The following TEKT5 variants were observed in gnomAD, a reference collection of about 807,000 sequenced individuals.
The protein encoded by TEKT5 is tektin 5, also known as tektin-5.
In TEKT5, 52 loss-of-function variants were observed where a neutral mutation model predicts 48.7. The observed-to-expected ratio is 1.07, with a 90% CI of 0.86 to 1.35. The LOEUF (loss-of-function observed/expected upper bound fraction) is 1.35, where lower values mean the gene tolerates loss of function less well. Among genes scored for constraint, TEKT5 ranks in the 40% most tolerant of loss-of-function variants. TEKT5 has a pLI of 0.00. For missense variants in TEKT5, 831 were observed against 641.6 expected, an observed-to-expected ratio of 1.30 and a Z score of -3.19; for synonymous variants, 318 against 267.6, an observed-to-expected ratio of 1.19 and a Z score of -1.84.
intron 5 of TEKT5, among the ~76,000 whole-genome samples, chr16:10,655,614 G>T (rs1025137905): frequency 6.6e-6 from 1 of 152,138 alleles, no homozygotes; most frequent in Non-Finnish European, 1.5e-5. Flanking sequence ...GTAGCTCCAG[G>T]CCATGTGACT....
chr16:10,694,792 G>A lies in TEKT5; in HGVS notation c.82C>T (p.Gln28Ter), dbSNP rs775435448. 6.2e-7 allele frequency: 1 copy of A among 1,613,170 alleles called. No individual in the cohort carries two copies. The highest frequency in any genetic ancestry group is 1.1e-5 in the South Asian group (1 of 90,972). ...CCGLTSLPAV[Q>*]APVIQECYQP... ...TAGCATTCCTGGATCACTGGCGCCT[G>A]TACAGCTGGCAGTGAGGTCAAGCCA... Residue 28 changes from glutamine to a stop codon, truncating the protein, a stop_gained, in exon 1 of 7, where the codon CAG becomes TAG. Transcript: ENST00000283025. LOFTEE classifies it high-confidence loss of function.
chr16:10,670,947 C>G (rs1212772230), intron 5 of TEKT5, among the ~76,000 whole-genome samples: 2 of 151,714 alleles, frequency 1.3e-5, no homozygotes, highest in Non-Finnish European at 2.9e-5. Flanking sequence ...CTCTGTCACC[C>G]AGGCTGGAGT....
intron 5 of TEKT5, among the ~76,000 whole-genome samples, chr16:10,642,541 C>T (rs547933887): frequency 1.3e-5 from 2 of 152,222 alleles, no homozygotes; most frequent in South Asian, 4.2e-4. Context: ...CCCAGTGCTC[C>T]CCCTGTGGAC....
intron 3 of TEKT5, among the ~76,000 whole-genome samples, chr16:10,682,829 C>G (rs944683481): frequency 1.3e-5 from 2 of 152,188 alleles, no homozygotes; most frequent in African/African-American, 4.8e-5. Flanking sequence ...AGATTTGTCC[C>G]TCCAGCTGTA....
chr16:10,656,817 C>T (rs1381522984), intron 5 of TEKT5, among the ~76,000 whole-genome samples: 1 of 146,638 alleles, frequency 6.8e-6, no homozygotes, highest in Admixed American at 6.8e-5. Flanking sequence ...CACTCCTCAC[C>T]ACAGCTTTGA....
At chr16:10,658,914 C>T (rs1208518583) in intron 5 of TEKT5, among the ~76,000 whole-genome samples, 4 of 152,106 alleles carry the variant, frequency 2.6e-5, no homozygotes, top group African/African-American at 4.8e-5. Flanking sequence ...GATGGGGTTT[C>T]ACCATGTTGG....
At chr16:10,666,162 C>T (rs971949937) in intron 5 of TEKT5, among the ~76,000 whole-genome samples, 4 of 152,142 alleles carry the variant, frequency 2.6e-5, no homozygotes, top group Admixed American at 6.5e-5. Context: ...TACCAAGCCA[C>T]GGGGAGTAGG....
intron 6 of TEKT5, 120 bp downstream of exon 6, chr16:10,635,644 T>C: frequency 7.0e-7 from 1 of 1,436,454 alleles, no homozygotes; most frequent in South Asian, 1.3e-5. Context: ...GGACTGGATG[T>C]CCTGATTGAA....
intron 5 of TEKT5, among the ~76,000 whole-genome samples, chr16:10,661,279 G>C (rs552688981): frequency 1.3e-4 from 20 of 152,278 alleles, no homozygotes; most frequent in Middle Eastern, 3.4e-3. Context: ...TCCATCTCAT[G>C]TAAGTCTGCT....
chr16:10,632,305 T>C (rs1017443273), intron 6 of TEKT5, among the ~76,000 whole-genome samples: 24 of 151,878 alleles, frequency 1.6e-4, no homozygotes, highest in African/African-American at 5.8e-4. Flanking sequence ...ATTCAGTTTA[T>C]GGTTTTTTTT....
chr16:10,635,623 A>T, intron 6 of TEKT5, 141 bp downstream of exon 6: 1 of 1,299,518 alleles, frequency 7.7e-7, no homozygotes, highest in Non-Finnish European at 1.1e-6. Context: ...CCTGCACTCT[A>T]CTGAGTTGTG....
intron 4 of TEKT5, among the ~76,000 whole-genome samples, chr16:10,676,903 G>A (rs1048375368): frequency 6.6e-6 from 1 of 152,230 alleles, no homozygotes; most frequent in African/African-American, 2.4e-5. Context: ...TTTAGAAACT[G>A]GAGGGCTGGG....
chr16:10,688,994 G>T (rs537435642), intron 3 of TEKT5, among the ~76,000 whole-genome samples: 1 of 152,126 alleles, frequency 6.6e-6, no homozygotes, highest in African/African-American at 2.4e-5. Flanking sequence ...AGAGTCAGTT[G>T]TACACATCTC....
At chr16:10,681,290 G>A (rs1898743347) in intron 4 of TEKT5, among the ~76,000 whole-genome samples, 1 of 152,066 alleles carries the variant, frequency 6.6e-6, no homozygotes, top group Non-Finnish European at 1.5e-5. Flanking sequence ...ATTCAGAAAT[G>A]GCCCAAAGAA....
intron 5 of TEKT5, among the ~76,000 whole-genome samples, chr16:10,665,845 G>A (rs974445044): frequency 1.3e-5 from 2 of 152,188 alleles, no homozygotes; most frequent in Non-Finnish European, 2.9e-5. Flanking sequence ...ATATGGCCCT[G>A]AGCCTTTTCC....
intron 5 of TEKT5, among the ~76,000 whole-genome samples, chr16:10,668,468 G>A (rs1300099162): frequency 6.6e-6 from 1 of 152,164 alleles, no homozygotes; most frequent in Non-Finnish European, 1.5e-5. Flanking sequence ...CTTGGCTGCA[G>A]GCTCCAGTGC....
At chr16:10,671,034 C>T (rs2719696) in intron 5 of TEKT5, among the ~76,000 whole-genome samples, 46,896 of 151,858 alleles carry the variant, frequency 0.31, 8,817 homozygotes, top group East Asian at 0.54. Flanking sequence ...ATTTGGAAAG[C>T]GAAAAGGTTT....
chr16:10,638,161 C>CA (rs138408402), intron 5 of TEKT5, among the ~76,000 whole-genome samples: 3,759 of 152,168 alleles, frequency 0.025, 117 homozygotes, highest in African/African-American at 0.073. Context: ...AAACTTTCCA[C>CA]AACAAAAAAT....
intron 1 of TEKT5, among the ~76,000 whole-genome samples, chr16:10,691,008 C>T (rs1351078377): frequency 6.6e-6 from 1 of 152,202 alleles, no homozygotes; most frequent in Non-Finnish European, 1.5e-5. Flanking sequence ...CCTGCTCTCA[C>T]ACAGCCTGTG....
Sources: allele counts gnomAD v4.1 joint callset (sites outside exome capture counted in the v4.1 genomes callset), GRCh38; gene constraint gnomAD v4.1.1; transcripts MANE v1.5; gene names NCBI Gene and HGNC (gene_info 2026-07-23, HGNC 2026-07-21).